The following PCDHA6 variants were observed in gnomAD, a reference collection of about 807,000 sequenced individuals.
PCDHA6 encodes protocadherin alpha-6.
Under a neutral mutation model 60.3 loss-of-function variants are expected in PCDHA6, and 55 were observed. That is an observed-to-expected ratio of 0.91 (90% CI 0.73 to 1.14). The LOEUF (loss-of-function observed/expected upper bound fraction) is 1.14, where lower values mean the gene tolerates loss of function less well. Among genes scored for constraint, PCDHA6 ranks in the 50% most tolerant of loss-of-function variants. PCDHA6 has a pLI of 0.00. For synonymous variants in PCDHA6, 652 were observed against 557.9 expected (o/e 1.17, Z -2.38); for missense variants, 1,327 against 1,256.5 (o/e 1.06, Z -0.85).
At chr5:140,883,635 C>G (rs997170789) in intron 1 of PCDHA6, 13 of 1,613,058 alleles carry the variant, frequency 8.1e-6, no homozygotes, top group Non-Finnish European at 1.1e-5. Context: ...CCGGCGTTCG[C>G]GCAGCCCGAG....
chr5:140,953,034 C>T (rs1337571700), intron 1 of PCDHA6, among the ~76,000 whole-genome samples: 1 of 152,168 alleles, frequency 6.6e-6, no homozygotes, highest in Non-Finnish European at 1.5e-5. Context: ...GGGAAATCCA[C>T]CCCCATGATC....
chr5:140,869,125 G>T (rs371936789), intron 1 of PCDHA6: 4 of 1,611,550 alleles, frequency 2.5e-6, no homozygotes, highest in East Asian at 4.5e-5. Context: ...TCAGAGAAGG[G>T]GATTGGGCAC....
chr5:140,879,872 T>C (rs944464993), intron 1 of PCDHA6, among the ~76,000 whole-genome samples: 1 of 152,208 alleles, frequency 6.6e-6, no homozygotes, highest in African/African-American at 2.4e-5. Context: ...GCTTTCATGG[T>C]CACATTGCCT....
intron 1 of PCDHA6, among the ~76,000 whole-genome samples, chr5:140,975,268 G>C (rs1054634006): frequency 6.6e-6 from 1 of 152,102 alleles, no homozygotes; most frequent in African/African-American, 2.4e-5. Flanking sequence ...TCTGATTTCT[G>C]TCTCTGACCT....
In PCDHA6 at chr5:140,844,364, G is replaced by A. The variant is rs1281881070; in HGVS notation, c.2394+13879G>A. Reference sequence around the variant, plus strand: ...AGTAAAATCAAGAGGGAAGAGATTTGTAATCCTTCTTTTAATTCATTATTT... The same window carrying A: ...AGTAAAATCAAGAGGGAAGAGATTTATAATCCTTCTTTTAATTCATTATTT... On this transcript the variant is annotated intron_variant, in intron 1 of 3. Coordinates refer to ENST00000529310, the MANE Select transcript of PCDHA6 (RefSeq NM_018909.4). Among the ~76,000 whole-genome samples, 3 of 149,238 alleles carry A rather than the reference G, an allele frequency of 2.0e-5. 1 individual carries two copies. The highest frequency in any genetic ancestry group is 4.5e-5 in the Non-Finnish European group (3 of 66,742).
chr5:140,850,903 G>A (rs2150501679), intron 1 of PCDHA6: 2 of 1,560,976 alleles, frequency 1.3e-6, no homozygotes, highest in Admixed American at 1.9e-5. Flanking sequence ...GGTTTTTCTA[G>A]CATTTTATTT....
intron 1 of PCDHA6, among the ~76,000 whole-genome samples, chr5:140,939,903 C>T (rs782506444): frequency 6.6e-6 from 1 of 152,046 alleles, no homozygotes; most frequent in African/African-American, 2.4e-5. Flanking sequence ...ATTCTGCATT[C>T]TTTTTTATTC....
At position 140,924,416 on chromosome 5, in the gene PCDHA6, T is replaced by A. The variant is rs1283567998; in HGVS notation, c.2395-54533T>A. 1.3e-5 allele frequency among the ~76,000 whole-genome samples: 2 copies of A among 152,192 alleles called. 1 individual carries two copies. The highest frequency in any genetic ancestry group is 4.1e-4 in the South Asian group (2 of 4,830). ...TATTGCCTTATATCACAGTGTGCCC[T>A]TTCTAGTTCCCTAGAAGAGATAACG... is the stretch of plus-strand genomic sequence containing the variant. On this transcript the variant is annotated intron_variant, in intron 1 of 3. Coordinates refer to ENST00000529310, the MANE Select transcript of PCDHA6 (RefSeq NM_018909.4).
At chr5:140,836,867 G>T in intron 1 of PCDHA6, 1 of 732,152 alleles carries the variant, frequency 1.4e-6, no homozygotes. Flanking sequence ...TTAATGTTAT[G>T]CTGTATTTGC....
intron 1 of PCDHA6, among the ~76,000 whole-genome samples, chr5:140,831,498 C>T (rs2150195161): frequency 1.8e-5 from 2 of 108,406 alleles, no homozygotes; most frequent in Non-Finnish European, 3.8e-5. Flanking sequence ...TTACTACACA[C>T]GAGCACCACC....
At chr5:140,950,112 A>G (rs1263517017) in intron 1 of PCDHA6, among the ~76,000 whole-genome samples, 3 of 151,944 alleles carry the variant, frequency 2.0e-5, no homozygotes, top group Non-Finnish European at 4.4e-5. Context: ...ATCTCATACA[A>G]TACAAAACCC....
rs1770403312 is a variant in PCDHA6, at chr5:140,829,583, C to A, written c.1492C>A (p.Arg498=). 6.2e-7 allele frequency: 1 copy of A among 1,612,242 alleles called. No individual in the cohort carries two copies. Among genetic ancestry groups the A allele is most frequent in the South Asian group, 1.1e-5 (1 of 91,000 alleles). ...ALVSYSLVER[R]VGERALSSYI... ...GGTGTCCTACTCGCTGGTGGAGCGG[C>A]GGGTGGGCGAGCGCGCGTTGTCGAG... The change falls in exon 1 of 4, where the codon CGG becomes AGG. Residue 498 remains arginine (R), a synonymous_variant. Coordinates refer to ENST00000529310, the MANE Select transcript of PCDHA6 (RefSeq NM_018909.4).
At chr5:140,960,841 T>C (rs1554225062) in intron 1 of PCDHA6, among the ~76,000 whole-genome samples, 1 of 152,222 alleles carries the variant, frequency 6.6e-6, no homozygotes, top group African/African-American at 2.4e-5. Context: ...GGAACAGGTT[T>C]AATGGCAACT....
chr5:140,832,775 G>A (rs1250232820), intron 1 of PCDHA6, among the ~76,000 whole-genome samples: 1 of 152,166 alleles, frequency 6.6e-6, no homozygotes, highest in Non-Finnish European at 1.5e-5. Flanking sequence ...TGTAAGAGGT[G>A]CTAGAAAGGT....
chr5:140,838,331 C>G (rs1343104365), intron 1 of PCDHA6, among the ~76,000 whole-genome samples: 1 of 149,420 alleles, frequency 6.7e-6, no homozygotes, highest in Admixed American at 6.6e-5. Flanking sequence ...ACCATGTTGC[C>G]CCGGCTGGTC....
intron 1 of PCDHA6, among the ~76,000 whole-genome samples, chr5:140,914,821 A>G (rs1046692794): frequency 6.6e-6 from 1 of 152,212 alleles, no homozygotes; most frequent in Non-Finnish European, 1.5e-5. Flanking sequence ...AACAGACTGC[A>G]TAAACAAAAA....
In PCDHA6 at chr5:140,853,190, C is replaced by A. The variant is rs1013741160; in HGVS notation, c.2394+22705C>A. On this transcript the variant is annotated intron_variant, in intron 1 of 3. Transcript: ENST00000529310. ...CACCGCGCCTGGCCTAAAATGTGTT[C>A]TTTATTATTGACGGCTGTATTGATG... is the stretch of plus-strand genomic sequence containing the variant. 7.1e-6 allele frequency: 7 copies of A among 980,440 alleles called. No individual in the cohort carries two copies. In the African/African-American group the frequency reaches 1.2e-4, roughly 17 times the overall value. The allele number at this position is 980,440 out of a possible 1,614,324, so 60.7% of individuals were successfully genotyped here.
At chr5:140,940,547 C>G (rs1256617271) in intron 1 of PCDHA6, among the ~76,000 whole-genome samples, 1 of 152,018 alleles carries the variant, frequency 6.6e-6, no homozygotes, top group Admixed American at 6.6e-5. Flanking sequence ...TTCCTGGGCT[C>G]AAGTGATTCT....
intron 1 of PCDHA6, among the ~76,000 whole-genome samples, chr5:140,941,202 C>CCTTTCTTCCTTCCTTTCTTTCTTTCTTT (rs1394736170): frequency 4.9e-5 from 6 of 122,740 alleles, no homozygotes; most frequent in Admixed American, 1.7e-4. Context: ...TTTCTTTCTT[C>CCTTTCTTCCTTCCTTTCTTTCTTTCTTT]CTTTCTTTCT....
Sources: gnomAD v4.1 joint callset for allele counts (sites outside exome capture counted in the v4.1 genomes callset) on GRCh38, gnomAD v4.1.1 for gene constraint, MANE v1.5 for transcripts, NCBI Gene and HGNC (gene_info 2026-07-23, HGNC 2026-07-21) for gene names.